Variants in RBL1 observed in about 807,000 individuals in gnomAD.
RBL1 encodes retinoblastoma-like protein 1.
RBL1 carries 82 observed loss-of-function variants against 123.0 expected under a neutral mutation model. The ratio of observed to expected loss-of-function variants is 0.67; its 90% CI spans 0.56 to 0.80. The LOEUF (loss-of-function observed/expected upper bound fraction) is 0.80. Ranked by LOEUF, RBL1 falls within the 30% of genes least tolerant of loss-of-function variation. The probability of loss-of-function intolerance (pLI) is 0.00; values close to 1 mark genes in which losing one functional copy is unlikely to be tolerated. For missense variants in RBL1, 1,171 were observed against 1,299.6 expected, an observed-to-expected ratio of 0.90 and a Z score of 1.52; for synonymous variants, 405 against 441.3, an observed-to-expected ratio of 0.92 and a Z score of 1.03.
At position 37,067,073 on chromosome 20, in the gene RBL1, A is replaced by T; in HGVS notation, c.605T>A (p.Leu202His). ...AAAAATCAGATCCAAGCAGCATAGA[A>T]GTAAATGATAAGAGTTTACTAAGTC... Reference protein sequence around the residue: ...GDDLVNSYHLLLCCLDLIFAN... With the variant: ...GDDLVNSYHLHLCCLDLIFAN... The change falls in exon 5 of 22, where the codon CTT (leucine) becomes CAT (histidine). Residue 202 changes from leucine (L) to histidine (H), a missense_variant. By Grantham distance (99) the Leu-to-His change is moderately conservative. Transcript: ENST00000373664. 6.2e-7 allele frequency: 1 copy of T among 1,610,998 alleles called. No individual in the cohort carries two copies. Among genetic ancestry groups the T allele is most frequent in the Non-Finnish European group, 8.5e-7 (1 of 1,178,456 alleles).
chr20:37,068,214 G>T, intron 2 of RBL1, 28 bp from the exon 3 acceptor site: 2 of 1,525,784 alleles, frequency 1.3e-6, no homozygotes, highest in Non-Finnish European at 8.8e-7. Flanking sequence ...GAGAAAAAAG[G>T]CACCTTTAAA....
At chr20:37,058,861 G>C (rs560702973) in intron 9 of RBL1, among the ~76,000 whole-genome samples, 1 of 151,448 alleles carries the variant, frequency 6.6e-6, no homozygotes, top group South Asian at 2.1e-4. Context: ...TCCCATCTCA[G>C]CCTCCCAAGT....
In RBL1 at chr20:37,073,705, GAAA is replaced by G. The variant is rs796752326; in HGVS notation, c.291-5522_291-5520del. On this transcript the variant is annotated intron_variant, in intron 2 of 21. Coordinates refer to ENST00000373664, the MANE Select transcript of RBL1 (RefSeq NM_002895.5). Reference sequence around the variant, plus strand: ...AGAGTGAGATCCTGTCTCAAAAAAAGAAAAAAAAAAAAAAAAAGAATACACTAC... The same window carrying G: ...AGAGTGAGATCCTGTCTCAAAAAAAGAAAAAAAAAAAAAAGAATACACTAC... Among the ~76,000 whole-genome samples, 128 of 103,150 alleles carry G rather than the reference GAAA, an allele frequency of 1.2e-3. 1 individual carries two copies. Among genetic ancestry groups the G allele is most frequent in the African/African-American group, 4.3e-3 (112 of 26,262 alleles). The allele number at this position is 103,150 out of a possible 152,430, so 67.7% of individuals were successfully genotyped here. A position where few individuals can be genotyped will look rare whatever the true frequency, so the allele number is the denominator to read the frequency against.
intron 21 of RBL1, among the ~76,000 whole-genome samples, chr20:37,000,253 C>A (rs1313390547): frequency 1.1e-4 from 16 of 148,956 alleles, no homozygotes; most frequent in Non-Finnish European, 2.2e-4. Flanking sequence ...CCCCTCCGCC[C>A]GGCAGCCACT....
At chr20:37,033,818 C>T (rs922378457) in intron 15 of RBL1, among the ~76,000 whole-genome samples, 10 of 151,778 alleles carry the variant, frequency 6.6e-5, no homozygotes, top group South Asian at 4.2e-4. Flanking sequence ...GGTTTCACCA[C>T]GTTGGCCAGG....
rs952507887 is a variant in RBL1 at position 37,068,266 on chromosome 20, G to A, written c.291-80C>T. 7 of 1,464,568 alleles carry A rather than the reference G, an allele frequency of 4.8e-6. No homozygotes were observed. The African/African-American group carries it at 7.2e-5, about 15-fold the overall frequency. 90.7% of individuals were successfully genotyped at this position (1,464,568 alleles called of 1,614,324 possible). Reference sequence around the variant, plus strand: ...GATTGAAAGGAAATATTCTATTCATGACTAAGACTCTTTATTAAAAAGCCA... The same window carrying A: ...GATTGAAAGGAAATATTCTATTCATAACTAAGACTCTTTATTAAAAAGCCA... On this transcript the variant is annotated intron_variant, in intron 2 of 21. Transcript: ENST00000373664.
chr20:37,091,665 CA>C (rs11421608), intron 1 of RBL1, among the ~76,000 whole-genome samples: 5,310 of 105,858 alleles, frequency 0.05, 94 homozygotes, highest in African/African-American at 0.068. Flanking sequence ...GACTCTATCT[CA>C]AAAAAAAAAA....
intron 16 of RBL1, among the ~76,000 whole-genome samples, chr20:37,027,235 T>TA (rs978068586): frequency 1.4e-4 from 22 of 151,824 alleles, no homozygotes; most frequent in Non-Finnish European, 2.9e-4. Context: ...GTGGTCCTAC[T>TA]ACTCAGGAGG....
chr20:37,095,076 A>G (rs1332200820), intron 1 of RBL1, among the ~76,000 whole-genome samples: 1 of 152,252 alleles, frequency 6.6e-6, no homozygotes, highest in African/African-American at 2.4e-5. Flanking sequence ...ATGATGGGGA[A>G]AAAAATCAAG....
intron 17 of RBL1, 106 bp from the exon 18 acceptor site, chr20:37,020,836 C>T (rs931189433): frequency 1.3e-5 from 9 of 686,158 alleles, no homozygotes; most frequent in Non-Finnish European, 2.0e-5. Flanking sequence ...TGCAGAAAAC[C>T]ATTAACCCCA....
chr20:37,012,841 C>G (rs1489344383), intron 19 of RBL1, among the ~76,000 whole-genome samples: 1 of 150,874 alleles, frequency 6.6e-6, no homozygotes, highest in Non-Finnish European at 1.5e-5. Context: ...GTGAGGGGCG[C>G]CTCTGCCTGG....
Position 37,066,848 on chromosome 20 carries a change from G to T in RBL1, c.722C>A (p.Ala241Asp), listed in dbSNP as rs1483711143. Residue 241 changes from alanine (A) to aspartate (D), a missense_variant, in exon 6 of 22, where the codon GCT becomes GAT. By Grantham distance (126) the Ala-to-Asp change is moderately radical. Coordinates refer to ENST00000373664, the MANE Select transcript of RBL1 (RefSeq NM_002895.5). ...PSDFHTADFT[A>D]SEEPPCIIAV... The stretch of plus-strand genomic sequence containing the variant: ...AATGATGCAGGGTGGCTCTTCAGAA[G>T]CCGTAAAGTCAGCAGTATGAAAATC... 1 of 1,613,846 alleles carries T rather than the reference G, an allele frequency of 6.2e-7. No homozygotes were observed.
At chr20:37,005,231 ACT>A (rs1467894213) in intron 20 of RBL1, among the ~76,000 whole-genome samples, 3 of 151,640 alleles carry the variant, frequency 2.0e-5, no homozygotes, top group Non-Finnish European at 2.9e-5. Context: ...AGATGGTGAA[ACT>A]CTGTCTCTAC....
At chr20:37,021,261 G>A (rs927612088) in intron 17 of RBL1, among the ~76,000 whole-genome samples, 1 of 152,052 alleles carries the variant, frequency 6.6e-6, no homozygotes, top group Non-Finnish European at 1.5e-5. Context: ...GATCCAAAAA[G>A]GAATTCCTTC....
At chr20:37,089,401 A>C (rs1377872580) in intron 1 of RBL1, among the ~76,000 whole-genome samples, 1 of 148,608 alleles carries the variant, frequency 6.7e-6, no homozygotes, top group Non-Finnish European at 1.5e-5. Context: ...TTGTAATCCC[A>C]GTAACTCGGG....
intron 20 of RBL1, among the ~76,000 whole-genome samples, chr20:37,004,069 T>TC (rs892583600): frequency 2.0e-5 from 3 of 151,112 alleles, no homozygotes; most frequent in African/African-American, 7.3e-5. Flanking sequence ...TTTTCCTGAA[T>TC]CTTTTTTTTT....
intron 11 of RBL1, among the ~76,000 whole-genome samples, chr20:37,054,362 G>A (rs2064968971): frequency 6.6e-6 from 1 of 152,054 alleles, no homozygotes; most frequent in African/African-American, 2.4e-5. Context: ...GCAGGCGCCT[G>A]TAATCCCAGC....
intron 11 of RBL1, among the ~76,000 whole-genome samples, chr20:37,053,674 A>C (rs1388072889): frequency 4.6e-5 from 7 of 152,168 alleles, no homozygotes; most frequent in Non-Finnish European, 8.8e-5. Context: ...AAAGAACTTA[A>C]ACTCCTGTTT....
At chr20:37,001,906 G>C (rs1215241295) in intron 21 of RBL1, among the ~76,000 whole-genome samples, 11 of 135,854 alleles carry the variant, frequency 8.1e-5, no homozygotes, top group Admixed American at 6.8e-4. Context: ...AAAATAGCAG[G>C]TTGCAGAACA....
Sources: gnomAD v4.1 joint callset for allele counts (sites outside exome capture counted in the v4.1 genomes callset) on GRCh38, gnomAD v4.1.1 for gene constraint, MANE v1.5 for transcripts, NCBI Gene and HGNC (gene_info 2026-07-23, HGNC 2026-07-21) for gene names.